The following ATP8A2 variants were observed in gnomAD, a reference collection of about 807,000 sequenced individuals.
ATP8A2 encodes phospholipid-transporting ATPase IB.
ATP8A2 carries 100 observed loss-of-function variants against 165.6 expected under a neutral mutation model. The ratio of observed to expected loss-of-function variants is 0.60; its 90% CI spans 0.51 to 0.71. The LOEUF is 0.71. Among genes scored for constraint, ATP8A2 ranks in the 30% least tolerant of loss-of-function variants. The pLI is 0.00. For synonymous variants in ATP8A2, 543 were observed against 548.8 expected (o/e 0.99, Z 0.15); for missense variants, 1,227 against 1,479.5 (o/e 0.83, Z 2.80).
intron 36 of ATP8A2, among the ~76,000 whole-genome samples, chr13:26,018,730 G>A (rs1317790115): frequency 1.3e-5 from 2 of 152,176 alleles, no homozygotes; most frequent in African/African-American, 4.8e-5. Flanking sequence ...GCTCTAGAGT[G>A]TGGACCCTGG....
intron 27 of ATP8A2, among the ~76,000 whole-genome samples, chr13:25,806,710 G>T (rs1950748619): frequency 6.6e-6 from 1 of 152,100 alleles, no homozygotes; most frequent in Non-Finnish European, 1.5e-5. Flanking sequence ...GAATTGGTGA[G>T]TCATAATGAT....
At chr13:25,907,115 A>G (rs1303454979) in intron 33 of ATP8A2, among the ~76,000 whole-genome samples, 2 of 152,192 alleles carry the variant, frequency 1.3e-5, no homozygotes, top group Non-Finnish European at 2.9e-5. Flanking sequence ...CTGTAGTCCC[A>G]GCTACTCCGG....
intron 25 of ATP8A2, among the ~76,000 whole-genome samples, chr13:25,706,833 G>T (rs768970722): frequency 4.3e-4 from 66 of 152,068 alleles, no homozygotes; most frequent in Admixed American, 3.1e-3. Flanking sequence ...CCCATTTGTT[G>T]ATTGCATGCA....
intron 33 of ATP8A2, among the ~76,000 whole-genome samples, chr13:25,959,175 G>A (rs1346309553): frequency 6.6e-6 from 1 of 152,206 alleles, no homozygotes; most frequent in Non-Finnish European, 1.5e-5. Flanking sequence ...GAAGGAGCAG[G>A]CTGATCCAAT....
In ATP8A2 at chr13:25,580,006, A is replaced by G. The variant is rs1013198479; in HGVS notation, c.2007+59A>G. ...TGAAGGACTTAACCACCTATTTCAC[A>G]AAGTATTTGAACAGGAATCCTTTTA... On this transcript the variant is annotated intron_variant, in intron 22 of 36. Coordinates refer to ENST00000381655, the MANE Select transcript of ATP8A2 (RefSeq NM_016529.6). The G allele has an allele frequency of 2.0e-5, 31 of 1,586,924 alleles. No homozygotes were observed. In the African/African-American group the frequency reaches 2.8e-4, roughly 14 times the overall value.
intron 33 of ATP8A2, among the ~76,000 whole-genome samples, chr13:25,902,757 A>G (rs1257018777): frequency 6.6e-6 from 1 of 151,824 alleles, no homozygotes. Flanking sequence ...TGTGCTTTCA[A>G]CCCGTCTTAT....
intron 24 of ATP8A2, among the ~76,000 whole-genome samples, chr13:25,654,746 C>T (rs1199091038): frequency 2.0e-5 from 3 of 152,188 alleles, no homozygotes; most frequent in Non-Finnish European, 4.4e-5. Flanking sequence ...TTTCTGCCTT[C>T]ATTGTCACTG....
At chr13:25,828,774 G>A (rs1951382428) in intron 28 of ATP8A2, among the ~76,000 whole-genome samples, 1 of 152,150 alleles carries the variant, frequency 6.6e-6, no homozygotes, top group Non-Finnish European at 1.5e-5. Context: ...TAACTATGAT[G>A]AATTCAGAAG....
intron 1 of ATP8A2, among the ~76,000 whole-genome samples, chr13:25,392,923 C>CA: frequency 7.3e-6 from 1 of 137,834 alleles, no homozygotes; most frequent in Non-Finnish European, 1.6e-5. Flanking sequence ...AAAAAAAAAA[C>CA]AAAAAAGAAA....
At chr13:25,582,459 G>A (rs772679769) in intron 23 of ATP8A2, among the ~76,000 whole-genome samples, 18 of 152,194 alleles carry the variant, frequency 1.2e-4, no homozygotes, top group Non-Finnish European at 2.5e-4. Context: ...TAACTCTGCC[G>A]TTGTTAAAGG....
intron 1 of ATP8A2, among the ~76,000 whole-genome samples, chr13:25,399,714 T>G (rs954505288): frequency 6.6e-6 from 1 of 151,324 alleles, no homozygotes; most frequent in Non-Finnish European, 1.5e-5. Flanking sequence ...TGGTTCTTCT[T>G]TTTCTTCTCC....
intron 30 of ATP8A2, among the ~76,000 whole-genome samples, chr13:25,841,610 T>A (rs1293364725): frequency 6.6e-6 from 1 of 152,204 alleles, no homozygotes; most frequent in East Asian, 1.9e-4. Context: ...GAGAAAAAAA[T>A]CATTATATTA....
intron 1 of ATP8A2, among the ~76,000 whole-genome samples, chr13:25,434,159 G>A (rs1036440279): frequency 1.3e-5 from 2 of 152,124 alleles, no homozygotes; most frequent in Non-Finnish European, 2.9e-5. Context: ...GGGAATATTG[G>A]TCATCCCCTC....
intron 24 of ATP8A2, among the ~76,000 whole-genome samples, chr13:25,639,766 A>G (rs4769433): frequency 0.41 from 62,162 of 151,996 alleles, 13,952 homozygotes; most frequent in Middle Eastern, 0.56. Context: ...ATAGACATCT[A>G]CAGAACTCTC....
chr13:25,642,448 A>C (rs973725273), intron 24 of ATP8A2, among the ~76,000 whole-genome samples: 13 of 152,356 alleles, frequency 8.5e-5, no homozygotes, highest in African/African-American at 3.1e-4. Flanking sequence ...CTATGAACAG[A>C]CACTTCTCAA....
At chr13:25,532,175 C>T in intron 4 of ATP8A2, 97 bp from the exon 5 acceptor site, 1 of 958,442 alleles carries the variant, frequency 1.0e-6, no homozygotes, top group Admixed American at 2.2e-5. Context: ...CATTTAGTTT[C>T]CTTGTCCCCT....
chr13:25,603,270 T>C (rs2040434013), intron 24 of ATP8A2, among the ~76,000 whole-genome samples: 1 of 151,868 alleles, frequency 6.6e-6, no homozygotes, highest in Admixed American at 6.5e-5. Flanking sequence ...GTTGGGTCGC[T>C]TGAGCCCAGG....
rs1054639850 is a variant in ATP8A2 at position 25,565,393 on chromosome 13, T to A, written c.1473+1362T>A. On this transcript the variant is annotated intron_variant, in intron 16 of 36. Coordinates refer to ENST00000381655, the MANE Select transcript of ATP8A2 (RefSeq NM_016529.6). ...TCACCGCATCCATGCCAACATCTAC[T>A]GTTTTTGATTTTTTGGTTATGGCCA... Among the ~76,000 whole-genome samples, 9 of 152,324 alleles carry A rather than the reference T, an allele frequency of 5.9e-5. No homozygotes were observed. The South Asian group carries it at 1.7e-3, about 28-fold the overall frequency.
chr13:25,921,022 A>T (rs1017767201), intron 33 of ATP8A2, among the ~76,000 whole-genome samples: 4 of 152,148 alleles, frequency 2.6e-5, no homozygotes, highest in Non-Finnish European at 5.9e-5. Flanking sequence ...GTGAGCCAAG[A>T]TCATGCCACT....
Sources: gnomAD v4.1 joint callset for allele counts (sites outside exome capture counted in the v4.1 genomes callset) on GRCh38, gnomAD v4.1.1 for gene constraint, MANE v1.5 for transcripts, NCBI Gene and HGNC (gene_info 2026-07-23, HGNC 2026-07-21) for gene names.